Variants in ARMC9 observed in about 807,000 individuals in gnomAD.
The protein encoded by ARMC9 is armadillo repeat containing 9.
Under a neutral mutation model 107.0 loss-of-function variants are expected in ARMC9, and 94 were observed. The ratio of observed to expected loss-of-function variants is 0.88; its 90% CI spans 0.74 to 1.04. The LOEUF (loss-of-function observed/expected upper bound fraction) is 1.04. ARMC9 is among the 50% of genes least tolerant of loss of function. The pLI is 0.00. For synonymous variants in ARMC9, 380 were observed against 396.9 expected (o/e 0.96, Z 0.51); for missense variants, 942 against 1,030.1 (o/e 0.91, Z 1.17).
chr2:231,300,185 C>T (rs1011254585), intron 19 of ARMC9, among the ~76,000 whole-genome samples: 1 of 152,176 alleles, frequency 6.6e-6, no homozygotes, highest in Non-Finnish European at 1.5e-5. Flanking sequence ...CAAATATTCT[C>T]GCCTCTTGAC....
rs1355417502 is a variant in ARMC9 at position 231,375,847 on chromosome 2, G to A, written c.*4312G>A. The stretch of plus-strand genomic sequence containing the variant: ...AGGAAACTGGGGACAGAACCCGGGG[G>A]TGAGAAAGAAGACAGCAGGTGTTGT... On this transcript the variant is annotated 3_prime_UTR_variant, in exon 25 of 25. Coordinates refer to ENST00000611582, the MANE Select transcript of ARMC9 (RefSeq NM_001352754.2). The surrounding 1 kb of genome is among the most constrained non-coding windows in gnomAD (Gnocchi z 4.3). 1.3e-5 allele frequency among the ~76,000 whole-genome samples: 2 copies of A among 152,194 alleles called. No homozygotes were observed. Among genetic ancestry groups the A allele is most frequent in the African/African-American group, 4.8e-5 (2 of 41,448 alleles).
At chr2:231,249,349 C>CTGCT (rs1328057226) in intron 9 of ARMC9, among the ~76,000 whole-genome samples, 1 of 152,156 alleles carries the variant, frequency 6.6e-6, no homozygotes, top group Non-Finnish European at 1.5e-5. Flanking sequence ...CGCGGGAGAA[C>CTGCT]TGCTACCCCT....
chr2:231,322,714 A>G (rs2043065872), intron 19 of ARMC9, among the ~76,000 whole-genome samples: 1 of 152,194 alleles, frequency 6.6e-6, no homozygotes. Context: ...TTTATGAGGC[A>G]TTCTTAATTT....
chr2:231,280,779 A>AGTAAAAGTC (rs1325918347), intron 16 of ARMC9, among the ~76,000 whole-genome samples: 2 of 152,234 alleles, frequency 1.3e-5, no homozygotes, highest in African/African-American at 4.8e-5. Flanking sequence ...TAAATTGGTA[A>AGTAAAAGTC]GTAAAAGTCA....
chr2:231,345,632 C>A (rs967414988), intron 21 of ARMC9, among the ~76,000 whole-genome samples: 1 of 152,136 alleles, frequency 6.6e-6, no homozygotes, highest in African/African-American at 2.4e-5. Context: ...GGGCCTAGAC[C>A]CCTTGTGGGC....
intron 1 of ARMC9, among the ~76,000 whole-genome samples, chr2:231,200,145 G>A (rs140483137): frequency 5.3e-5 from 8 of 152,312 alleles, no homozygotes; most frequent in African/African-American, 1.7e-4. Context: ...GGTTAACCAG[G>A]TGAAGAGAGG....
At chr2:231,273,843 C>T (rs1415601508) in intron 14 of ARMC9, among the ~76,000 whole-genome samples, 1 of 152,114 alleles carries the variant, frequency 6.6e-6, no homozygotes, top group African/African-American at 2.4e-5. Flanking sequence ...CACCACAATC[C>T]AGGTTTAGCA....
chr2:231,212,307 A>G (rs1227920498), intron 3 of ARMC9, among the ~76,000 whole-genome samples: 1 of 152,164 alleles, frequency 6.6e-6, no homozygotes, highest in East Asian at 1.9e-4. Context: ...TGTGGGTATT[A>G]TTTTAAGCTC....
At chr2:231,341,491 T>C (rs576051544) in intron 20 of ARMC9, among the ~76,000 whole-genome samples, 42 of 152,298 alleles carry the variant, frequency 2.8e-4, no homozygotes, top group Non-Finnish European at 5.6e-4. Flanking sequence ...TATTTTTAAG[T>C]AGACACATTG....
At position 231,375,225 on chromosome 2, in the gene ARMC9, G is replaced by A. The variant is rs973958449; in HGVS notation, c.*3690G>A. On this transcript the variant is annotated 3_prime_UTR_variant, in exon 25 of 25. Transcript: ENST00000611582. This position sits in a 1 kb window ranked among gnomAD's most constrained non-coding sequence, Gnocchi z 4.3. ...CAGTCAGGGGCTTCGCTCATGTCTG[G>A]TAGTTGGCTGTTGGCTGAGCCCTTG... 6.6e-6 allele frequency among the ~76,000 whole-genome samples: 1 copy of A among 152,194 alleles called. No individual in the cohort carries two copies. The highest frequency in any genetic ancestry group is 1.9e-4 in the East Asian group (1 of 5,194).
chr2:231,259,963 T>C (rs1183671274), intron 11 of ARMC9, among the ~76,000 whole-genome samples: 3 of 152,144 alleles, frequency 2.0e-5, no homozygotes. Flanking sequence ...ACCACTGCAC[T>C]CCAGCCTCGG....
chr2:231,322,240 C>T (rs1292935134), intron 19 of ARMC9, among the ~76,000 whole-genome samples: 3 of 152,242 alleles, frequency 2.0e-5, no homozygotes, highest in Non-Finnish European at 2.9e-5. Flanking sequence ...AAGCTGCACA[C>T]GTGGCCAGGG....
chr2:231,246,888 G>C (rs2036817967), intron 9 of ARMC9, among the ~76,000 whole-genome samples: 1 of 152,024 alleles, frequency 6.6e-6, no homozygotes, highest in East Asian at 1.9e-4. Context: ...GACCTCCTGG[G>C]CTCAGGTGCT....
intron 19 of ARMC9, among the ~76,000 whole-genome samples, chr2:231,321,995 C>T (rs927535704): frequency 4.6e-5 from 7 of 152,202 alleles, no homozygotes; most frequent in African/African-American, 1.7e-4. Context: ...GTAAACTGAG[C>T]GGCGAAAGCA....
intron 7 of ARMC9, among the ~76,000 whole-genome samples, chr2:231,233,859 T>C (rs547807050): frequency 6.6e-6 from 1 of 152,296 alleles, no homozygotes; most frequent in African/African-American, 2.4e-5. Context: ...ATAGTAGTAA[T>C]AGCCACCACT....
intron 9 of ARMC9, among the ~76,000 whole-genome samples, chr2:231,243,822 T>A (rs770082286): frequency 5.3e-5 from 8 of 152,210 alleles, no homozygotes; most frequent in Non-Finnish European, 7.3e-5. Context: ...CGAGTTCAGA[T>A]TTACAATGTG....
At chr2:231,314,280 T>C (rs2042538001) in intron 19 of ARMC9, among the ~76,000 whole-genome samples, 1 of 151,972 alleles carries the variant, frequency 6.6e-6, no homozygotes, top group Non-Finnish European at 1.5e-5. Context: ...GGTTTCACCA[T>C]GTTGGTCAGG....
intron 23 of ARMC9, among the ~76,000 whole-genome samples, chr2:231,364,797 C>CA (rs5839398): frequency 0.024 from 3,392 of 143,364 alleles, 99 homozygotes; most frequent in African/African-American, 0.065. Flanking sequence ...GATTTCATTT[C>CA]AAAAAAAAAA....
chr2:231,334,472 C>T lies in ARMC9; in HGVS notation c.1878+2575C>T, dbSNP rs184141310. On this transcript the variant is annotated intron_variant, in intron 20 of 24. Coordinates refer to ENST00000611582, the MANE Select transcript of ARMC9 (RefSeq NM_001352754.2). ...CTGTCTTTTGTAAGGACACTTGTTC[C>T]CCCGGGTGACCCAGGATGAGTTCTT... is the stretch of plus-strand genomic sequence containing the variant. Among the ~76,000 whole-genome samples the T allele has an allele frequency of 3.3e-5, 5 of 152,280 alleles. No individual in the cohort carries two copies. The East Asian group carries it at 7.7e-4, about 24-fold the overall frequency.
Sources: gnomAD v4.1 joint callset for allele counts (sites outside exome capture counted in the v4.1 genomes callset) on GRCh38, gnomAD v4.1.1 for gene constraint, Gnocchi (gnomAD v3.1) non-coding constraint, MANE v1.5 for transcripts, NCBI Gene and HGNC (gene_info 2026-07-23, HGNC 2026-07-21) for gene names.